Variants in SGK3 observed in about 807,000 individuals in gnomAD.
The protein encoded by SGK3 is serum/glucocorticoid regulated kinase family member 3.
SGK3 carries 47 observed loss-of-function variants against 68.5 expected under a neutral mutation model. The ratio of observed to expected loss-of-function variants is 0.69; its 90% CI spans 0.54 to 0.87. The LOEUF is 0.87. Among genes scored for constraint, SGK3 ranks in the 40% least tolerant of loss-of-function variants. The probability of loss-of-function intolerance (pLI) is 0.00; values close to 1 mark genes in which losing one functional copy is unlikely to be tolerated. For missense variants in SGK3, 479 were observed against 575.5 expected (o/e 0.83, Z 1.72); for synonymous variants, 181 against 189.1 (o/e 0.96, Z 0.35).
At chr8:66,789,081 A>G (rs949569394) in intron 1 of SGK3, among the ~76,000 whole-genome samples, 5 of 152,066 alleles carry the variant, frequency 3.3e-5, no homozygotes, top group African/African-American at 4.8e-5. Flanking sequence ...TTGCCAGGTC[A>G]GTAGTCATAC....
intron 1 of SGK3, among the ~76,000 whole-genome samples, chr8:66,781,382 C>A (rs563212733): frequency 1.3e-5 from 2 of 152,276 alleles, no homozygotes; most frequent in Non-Finnish European, 2.9e-5. Context: ...GGGTCTAGCT[C>A]TGTCACTCAG....
intron 1 of SGK3, among the ~76,000 whole-genome samples, chr8:66,742,876 T>C (rs1265925118): frequency 1.3e-5 from 2 of 152,130 alleles, no homozygotes; most frequent in African/African-American, 4.8e-5. Flanking sequence ...CTGTCTCCAT[T>C]TTCCACTCCT....
intron 2 of SGK3, among the ~76,000 whole-genome samples, chr8:66,796,321 AT>A (rs71249408): frequency 2.4e-5 from 1 of 41,360 alleles, no homozygotes; most frequent in African/African-American, 8.0e-5. Flanking sequence ...TATTTTTTGT[AT>A]TTTTTTTTTT....
Position 66,859,610 on chromosome 8 carries a change from A to G in SGK3, c.*29A>G, listed in dbSNP as rs770030943. 2 of 1,593,804 alleles carry G rather than the reference A, an allele frequency of 1.3e-6. No individual in the cohort carries two copies. The highest frequency in any genetic ancestry group is 1.7e-5 in the Admixed American group (1 of 59,582). On this transcript the variant is annotated 3_prime_UTR_variant, in exon 17 of 17. Transcript: ENST00000521198. Reference sequence around the variant, plus strand: ...GTTTGCCATTCAGAAACCATTGAGCAAAATAAGTCTATAGATGGGACTGAA... The same window carrying G: ...GTTTGCCATTCAGAAACCATTGAGCGAAATAAGTCTATAGATGGGACTGAA...
intron 8 of SGK3, among the ~76,000 whole-genome samples, chr8:66,833,648 T>C (rs1362428268): frequency 6.6e-6 from 1 of 152,246 alleles, no homozygotes; most frequent in African/African-American, 2.4e-5. Context: ...ACTTTGTTAA[T>C]GTAGCTCATC....
chr8:66,760,781 C>T (rs1020222067), intron 1 of SGK3, among the ~76,000 whole-genome samples: 3 of 152,152 alleles, frequency 2.0e-5, no homozygotes, highest in African/African-American at 4.8e-5. Context: ...AAGGGCTTTT[C>T]TTCTAATCAT....
At chr8:66,808,438 C>A (rs929360273) in intron 4 of SGK3, among the ~76,000 whole-genome samples, 2 of 151,926 alleles carry the variant, frequency 1.3e-5, no homozygotes, top group African/African-American at 4.8e-5. Flanking sequence ...ATGTTACTGT[C>A]ATGGGAACCA....
intron 1 of SGK3, among the ~76,000 whole-genome samples, chr8:66,741,888 C>G (rs539938375): frequency 2.0e-5 from 3 of 152,184 alleles, no homozygotes; most frequent in African/African-American, 7.2e-5. Flanking sequence ...TCTAATTGTA[C>G]AGGTAAATAA....
At chr8:66,762,952 G>A (rs1806216995) in intron 1 of SGK3, among the ~76,000 whole-genome samples, 1 of 152,256 alleles carries the variant, frequency 6.6e-6, no homozygotes. Context: ...GCATAGTGAT[G>A]TGTTTTTCCA....
chr8:66,813,266 A>G (rs1372108218), intron 4 of SGK3, among the ~76,000 whole-genome samples: 2 of 152,226 alleles, frequency 1.3e-5, no homozygotes, highest in African/African-American at 2.4e-5. Context: ...ACGAAAAAAG[A>G]AAAATTTTTA....
At chr8:66,727,946 A>C (rs948341925) in intron 1 of SGK3, among the ~76,000 whole-genome samples, 2 of 152,270 alleles carry the variant, frequency 1.3e-5, no homozygotes, top group Non-Finnish European at 2.9e-5. Context: ...ATAAACCCAC[A>C]GCATACACTA....
intron 1 of SGK3, among the ~76,000 whole-genome samples, chr8:66,725,079 G>C (rs1285221910): frequency 6.6e-6 from 1 of 152,052 alleles, no homozygotes; most frequent in African/African-American, 2.4e-5. Context: ...ACAAAAATTA[G>C]CTGGGTGTGG....
chr8:66,772,844 C>T (rs1252163762), intron 1 of SGK3, among the ~76,000 whole-genome samples: 3 of 152,062 alleles, frequency 2.0e-5, no homozygotes, highest in African/African-American at 7.2e-5. Flanking sequence ...AAACTCCACT[C>T]TTGAGCTCAA....
chr8:66,829,696 A>G (rs746771847), intron 7 of SGK3, among the ~76,000 whole-genome samples: 19 of 152,162 alleles, frequency 1.2e-4, no homozygotes, highest in Non-Finnish European at 2.4e-4. Context: ...AGGGTTCACA[A>G]GAGAACTAGA....
chr8:66,803,546 T>C (rs1808036437), intron 3 of SGK3, among the ~76,000 whole-genome samples: 3 of 151,700 alleles, frequency 2.0e-5, no homozygotes, highest in African/African-American at 7.3e-5. Context: ...ATCAAACTTA[T>C]AATGAAAATA....
intron 1 of SGK3, among the ~76,000 whole-genome samples, chr8:66,731,523 T>A (rs1805151911): frequency 6.6e-6 from 1 of 152,138 alleles, no homozygotes; most frequent in South Asian, 2.1e-4. Context: ...AACATTTATT[T>A]ATTTATTTAT....
intron 1 of SGK3, among the ~76,000 whole-genome samples, chr8:66,731,533 TTTTG>T (rs1219573381): frequency 2.6e-5 from 4 of 152,142 alleles, no homozygotes; most frequent in Non-Finnish European, 4.4e-5. Flanking sequence ...TATTTATTTA[TTTTG>T]TTTGTTTGTT....
chr8:66,726,100 A>G (rs1301232753), intron 1 of SGK3, among the ~76,000 whole-genome samples: 2 of 152,148 alleles, frequency 1.3e-5, no homozygotes, highest in South Asian at 2.1e-4. Context: ...ATTTTCTTTC[A>G]TCAGGATTTT....
intron 1 of SGK3, among the ~76,000 whole-genome samples, chr8:66,728,575 C>T (rs1002438901): frequency 2.6e-5 from 4 of 152,100 alleles, no homozygotes; most frequent in Admixed American, 6.6e-5. Context: ...GATCCGTCCA[C>T]CTTGGCCTCC....
Sources: gnomAD v4.1 joint callset for allele counts (sites outside exome capture counted in the v4.1 genomes callset) on GRCh38, gnomAD v4.1.1 for gene constraint, MANE v1.5 for transcripts, NCBI Gene and HGNC (gene_info 2026-07-23, HGNC 2026-07-21) for gene names.